The following TIMM44 variants were observed in gnomAD, a reference collection of about 807,000 sequenced individuals.
The protein encoded by TIMM44 is mitochondrial import inner membrane translocase subunit TIM44.
TIMM44 carries 37 observed loss-of-function variants against 63.8 expected under a neutral mutation model. The observed-to-expected ratio is 0.58, with a 90% confidence interval of 0.45 to 0.76. The LOEUF is 0.76. Ranked by LOEUF, TIMM44 falls within the 30% of genes least tolerant of loss-of-function variation. TIMM44 has a pLI of 0.00. For missense variants in TIMM44, 573 were observed against 603.8 expected (o/e 0.95, Z 0.54); for synonymous variants, 239 against 245.1 (o/e 0.98, Z 0.23).
intron 10 of TIMM44, among the ~76,000 whole-genome samples, chr19:7,929,403 G>T (rs1371489818): frequency 6.6e-6 from 1 of 152,186 alleles, no homozygotes; most frequent in Non-Finnish European, 1.5e-5. Context: ...ATGTCGTGAG[G>T]ACAGCTAGAG....
chr19:7,932,420 G>A (rs80029910), intron 9 of TIMM44: 5 of 635,054 alleles, frequency 7.9e-6, no homozygotes, highest in South Asian at 5.8e-5. Flanking sequence ...TGGAGGTACC[G>A]GAGGTGCCGG....
Position 7,933,918 on chromosome 19 carries a change from C to T in TIMM44, c.629G>A (p.Arg210Lys). The change falls in exon 6 of 13, where the codon AGA becomes AAA. Residue 210 changes from arginine (R) to lysine (K), a missense_variant. Arg to Lys is a conservative substitution (Grantham distance 26). Transcript: ENST00000270538. This position sits in a 1 kb window ranked among gnomAD's most constrained non-coding sequence, Gnocchi z 4.3. ...PYRRPQRLRK[R>K]TEFAGDKFKE... ...GAACTTATCTCCCGCAAACTCCGTT[C>T]TCTTCCGGAGTCGCTGGGGCCTCCG... The T allele has an allele frequency of 1.2e-6, 2 of 1,614,200 alleles. No individual in the cohort carries two copies. The highest frequency in any genetic ancestry group is 1.7e-6 in the Non-Finnish European group (2 of 1,180,028).
In TIMM44 at chr19:7,927,326, G is replaced by A. The variant is rs747449267; in HGVS notation, c.1240-20C>T. Reference sequence around the variant, plus strand: ...CTTGTCCTGCAGGGTGGGGTGGGAAGGGCACTGTTGAGAGGGTTGAGGTGA... The same window carrying A: ...CTTGTCCTGCAGGGTGGGGTGGGAAAGGCACTGTTGAGAGGGTTGAGGTGA... On this transcript the variant is annotated intron_variant, in intron 12 of 12. Coordinates refer to ENST00000270538, the MANE Select transcript of TIMM44 (RefSeq NM_006351.4). 5 of 1,608,106 alleles carry A rather than the reference G, an allele frequency of 3.1e-6. No individual in the cohort carries two copies. Among genetic ancestry groups the A allele is most frequent in the Non-Finnish European group, 4.2e-6 (5 of 1,179,916 alleles).
rs1204471835 is a variant in TIMM44 at position 7,933,180 on chromosome 19, C to A, written c.770-248G>T. On this transcript the variant is annotated intron_variant, in intron 7 of 12. Coordinates refer to ENST00000270538, the MANE Select transcript of TIMM44 (RefSeq NM_006351.4). The surrounding 1 kb of genome is among the most constrained non-coding windows in gnomAD (Gnocchi z 4.3). ...GGGCTGTGTAAGTTATGGGCCGCCA[C>A]CCCACTGGCTGTTGCTTTCACTACA... 6.6e-6 allele frequency among the ~76,000 whole-genome samples: 1 copy of A among 152,172 alleles called. No homozygotes were observed. Among genetic ancestry groups the A allele is most frequent in the African/African-American group, 2.4e-5 (1 of 41,434 alleles).
At position 7,934,955 on chromosome 19, in the gene TIMM44, A is replaced by T; in HGVS notation, c.393+110T>A. On this transcript the variant is annotated intron_variant, in intron 4 of 12. Coordinates refer to ENST00000270538, the MANE Select transcript of TIMM44 (RefSeq NM_006351.4). The surrounding 1 kb of genome is among the most constrained non-coding windows in gnomAD (Gnocchi z 5.3). ...CGAGGGTGGCAGCACGCCCCATGCC[A>T]CCCACTGCTGCCAAGCCACCCCCAC... 1.0e-6 allele frequency: 1 copy of T among 976,510 alleles called. No homozygotes were observed. The highest frequency in any genetic ancestry group is 1.6e-6 in the Non-Finnish European group (1 of 627,222). 60.5% of individuals were successfully genotyped at this position (976,510 alleles called of 1,614,324 possible).
chr19:7,927,165 C>G lies in TIMM44; in HGVS notation c.*22G>C, dbSNP rs752251050. 6.3e-7 allele frequency: 1 copy of G among 1,599,348 alleles called. No individual in the cohort carries two copies. Among genetic ancestry groups the G allele is most frequent in the South Asian group, 1.1e-5 (1 of 90,294 alleles). On this transcript the variant is annotated 3_prime_UTR_variant, in exon 13 of 13. Transcript: ENST00000270538. ...CTGTGCCTGATGACCCAGGCCGGGGCTACCTGGCTCCGGCACCACACTCAG... is the reference window on the plus strand; with the variant it reads ...CTGTGCCTGATGACCCAGGCCGGGGGTACCTGGCTCCGGCACCACACTCAG...
intron 1 of TIMM44, among the ~76,000 whole-genome samples, chr19:7,942,292 C>T (rs1441296035): frequency 6.6e-6 from 1 of 152,162 alleles, no homozygotes; most frequent in Non-Finnish European, 1.5e-5. Context: ...GAGATCTTGC[C>T]TTAAGTTCTG....
At position 7,934,181 on chromosome 19, in the gene TIMM44, C is replaced by A; in HGVS notation, c.451G>T (p.Glu151Ter). Reference sequence around the variant, plus strand: ...GACTGCTTGGCCGTCTTGGCTGCTTCCTCCACGCCCTCCTTGATTTTCCGG... The same window carrying A: ...GACTGCTTGGCCGTCTTGGCTGCTTACTCCACGCCCTCCTTGATTTTCCGG... Reference protein sequence around the residue: ...LGRKIKEGVEEAAKTAKQSAE... With the variant: ...LGRKIKEGVE The change falls in exon 5 of 13, where the codon GAA becomes TAA. Residue 151 changes from glutamate (E) to a stop codon, truncating the protein, a stop_gained. Coordinates refer to ENST00000270538, the MANE Select transcript of TIMM44 (RefSeq NM_006351.4). LOFTEE classifies it high-confidence loss of function. The surrounding 1 kb of genome is among the most constrained non-coding windows in gnomAD (Gnocchi z 5.3). 1 of 1,613,554 alleles carries A rather than the reference C, an allele frequency of 6.2e-7. No homozygotes were observed.
chr19:7,930,145 G>A (rs774282019), intron 10 of TIMM44, among the ~76,000 whole-genome samples: 7 of 150,200 alleles, frequency 4.7e-5, no homozygotes, highest in South Asian at 2.1e-4. Flanking sequence ...CACCGTGCCC[G>A]ACCTATTTCC....
intron 2 of TIMM44, among the ~76,000 whole-genome samples, chr19:7,939,199 C>T (rs1341407881): frequency 6.6e-6 from 1 of 152,044 alleles, no homozygotes; most frequent in Non-Finnish European, 1.5e-5. Flanking sequence ...CACACTAATG[C>T]AGGACGTGAA....
At chr19:7,931,029 AG>A in intron 10 of TIMM44, 108 bp downstream of exon 10, 1 of 980,678 alleles carries the variant, frequency 1.0e-6, no homozygotes, top group South Asian at 1.4e-5. Context: ...CCGGGAGCCC[AG>A]GTCCTGCCTG....
chr19:7,940,950 G>C, intron 2 of TIMM44, 152 bp downstream of exon 2: 1 of 690,502 alleles, frequency 1.4e-6, no homozygotes, highest in Admixed American at 2.1e-5. Flanking sequence ...AGGCACACTG[G>C]GATCTGTCAT....
At position 7,927,735 on chromosome 19, in the gene TIMM44, C is replaced by T. The variant is rs758542436; in HGVS notation, c.1161G>A (p.Pro387=). 1.7e-4 allele frequency: 271 copies of T among 1,612,564 alleles called. No individual in the cohort carries two copies. Among genetic ancestry groups the T allele is most frequent in the Non-Finnish European group, 2.1e-4 (252 of 1,180,018 alleles). ...LAMGKMMEQG[P]VLIITFQAQL... ...GTGCCTGGAAGGTGATGATCAGCAC[C>T]GGCCCCTGCTCCATCATCTTGCCCA... The change falls in exon 12 of 13, where the codon CCG becomes CCA. Residue 387 remains proline (P), a synonymous_variant. Coordinates refer to ENST00000270538, the MANE Select transcript of TIMM44 (RefSeq NM_006351.4).
chr19:7,935,558 C>G (rs983235428), intron 3 of TIMM44, among the ~76,000 whole-genome samples: 1 of 152,232 alleles, frequency 6.6e-6, no homozygotes, highest in Non-Finnish European at 1.5e-5. Flanking sequence ...GCAGCCCCTC[C>G]CTCCCCGCAC....
At position 7,934,205 on chromosome 19, in the gene TIMM44, G is replaced by A. The variant is rs753606777; in HGVS notation, c.427C>T (p.Arg143Trp). 7.4e-6 allele frequency: 12 copies of A among 1,613,226 alleles called. No individual in the cohort carries two copies. Among genetic ancestry groups the A allele is most frequent in the East Asian group, 2.2e-5 (1 of 44,884 alleles). ...LHEVSKSDLGRKIKEGVEEAA... is the reference protein window; with the variant it reads ...LHEVSKSDLGWKIKEGVEEAA... ...TCCTCCACGCCCTCCTTGATTTTCC[G>A]GCCGAGATCACTTTTACTGACTTCG... The change falls in exon 5 of 13, where the codon CGG (arginine) becomes TGG (tryptophan). Residue 143 changes from arginine (R) to tryptophan (W), a missense_variant. Coordinates refer to ENST00000270538, the MANE Select transcript of TIMM44 (RefSeq NM_006351.4). This position sits in a 1 kb window ranked among gnomAD's most constrained non-coding sequence, Gnocchi z 5.3.
At chr19:7,935,727 G>A (rs559267597) in intron 3 of TIMM44, among the ~76,000 whole-genome samples, 4 of 152,264 alleles carry the variant, frequency 2.6e-5, no homozygotes, top group South Asian at 2.1e-4. Flanking sequence ...ACCTTTCACC[G>A]GGTGGTAGGA....
Position 7,943,618 on chromosome 19 carries a change from G to T in TIMM44, c.34C>A (p.Arg12Ser). The T allele has an allele frequency of 2.6e-6, 4 of 1,559,370 alleles. No homozygotes were observed. The highest frequency in any genetic ancestry group is 3.4e-6 in the Non-Finnish European group (4 of 1,159,612). The change falls in exon 1 of 13, where the codon CGC becomes AGC. Residue 12 changes from arginine (R) to serine (S), a missense_variant. Coordinates refer to ENST00000270538, the MANE Select transcript of TIMM44 (RefSeq NM_006351.4). This position sits in a 1 kb window ranked among gnomAD's most constrained non-coding sequence, Gnocchi z 4.3. Reference sequence around the variant, plus strand: ...GCACCGCCGCTCACCCGTGGACAGCGGCACCAGCCACTCCGCAGGGCCGCC... The same window carrying T: ...GCACCGCCGCTCACCCGTGGACAGCTGCACCAGCCACTCCGCAGGGCCGCC... ...AAAALRSGWC[R>S]CPRRCLGSGI...
chr19:7,927,105 G>C lies in TIMM44; in HGVS notation c.*82C>G. The C allele has an allele frequency of 6.5e-7, 1 of 1,530,378 alleles. No individual in the cohort carries two copies. The highest frequency in any genetic ancestry group is 8.8e-7 in the Non-Finnish European group (1 of 1,140,134). The allele number at this position is 1,530,378 out of a possible 1,614,324, so 94.8% of individuals were successfully genotyped here. A position where few individuals can be genotyped will look rare whatever the true frequency, so the allele number is the denominator to read the frequency against. On this transcript the variant is annotated 3_prime_UTR_variant, in exon 13 of 13. Coordinates refer to ENST00000270538, the MANE Select transcript of TIMM44 (RefSeq NM_006351.4). ...CAGAGCCCGCAGTCTTGTTCCCAGA[G>C]GTCTGGAGTTGCCGCAGGTGGTGTT...
intron 3 of TIMM44, 151 bp from the exon 4 acceptor site, chr19:7,935,296 GC>G: frequency 1.4e-6 from 1 of 708,376 alleles, no homozygotes; most frequent in Non-Finnish European, 2.4e-6. Flanking sequence ...CTCCCGAGTA[GC>G]TGGGACTACA....
Sources: allele counts gnomAD v4.1 joint callset (sites outside exome capture counted in the v4.1 genomes callset), GRCh38; gene constraint gnomAD v4.1.1; non-coding constraint Gnocchi (gnomAD v3.1); transcripts MANE v1.5; gene names NCBI Gene and HGNC (gene_info 2026-07-23, HGNC 2026-07-21).